The following SEL1L3 variants were observed in gnomAD, a reference collection of about 807,000 sequenced individuals.
SEL1L3 encodes protein sel-1 homolog 3.
A neutral mutation model predicts 142.8 loss-of-function variants in SEL1L3; 76 were observed. The ratio of observed to expected loss-of-function variants is 0.53; its 90% CI spans 0.44 to 0.64. The LOEUF (loss-of-function observed/expected upper bound fraction) is 0.64, where lower values mean the gene tolerates loss of function less well. Ranked by LOEUF, SEL1L3 falls within the 30% of genes least tolerant of loss-of-function variation. The probability of loss-of-function intolerance (pLI) is 0.00; values close to 1 mark genes in which losing one functional copy is unlikely to be tolerated. For missense variants in SEL1L3, 1,262 were observed against 1,381.7 expected, an observed-to-expected ratio of 0.91 and a Z score of 1.37; for synonymous variants, 504 against 519.6, an observed-to-expected ratio of 0.97 and a Z score of 0.41.
At chr4:25,726,595 A>G in the SEL1L3 span, among the ~76,000 whole-genome samples, 2 of 151,626 alleles carry the variant, frequency 1.3e-5, no homozygotes, top group Non-Finnish European at 2.9e-5. Flanking sequence ...GCCTGAGATG[A>G]CAGATTTAGG....
chr4:25,811,748 G>GTTTTTTT (rs60024973), intron 9 of SEL1L3, among the ~76,000 whole-genome samples: 6 of 121,600 alleles, frequency 4.9e-5, no homozygotes, highest in East Asian at 2.3e-4. Flanking sequence ...TTCTTTTCCT[G>GTTTTTTT]TTTTTTTTTT....
At chr4:25,796,413 A>G (rs1041644002) in intron 11 of SEL1L3, among the ~76,000 whole-genome samples, 17 of 152,124 alleles carry the variant, frequency 1.1e-4, no homozygotes, top group African/African-American at 3.6e-4. Context: ...TGGGCAACAT[A>G]GCAAAACCCT....
chr4:25,815,292 G>T (rs2109248325), intron 9 of SEL1L3, among the ~76,000 whole-genome samples: 1 of 152,296 alleles, frequency 6.6e-6, no homozygotes, highest in South Asian at 2.1e-4. Flanking sequence ...ACTGATGGGG[G>T]CCCCAGAAGT....
intron 11 of SEL1L3, among the ~76,000 whole-genome samples, chr4:25,798,212 T>G (rs921187424): frequency 6.6e-6 from 1 of 152,180 alleles, no homozygotes; most frequent in East Asian, 1.9e-4. Context: ...TACAATCCCC[T>G]GAGGACTGTA....
At chr4:25,730,562 T>C in the SEL1L3 span, among the ~76,000 whole-genome samples, 1 of 152,112 alleles carries the variant, frequency 6.6e-6, no homozygotes. Flanking sequence ...CAGCTGCTTG[T>C]GGTGATGTGT....
At chr4:25,725,838 G>A in the SEL1L3 span, among the ~76,000 whole-genome samples, 1 of 152,112 alleles carries the variant, frequency 6.6e-6, no homozygotes, top group Non-Finnish European at 1.5e-5. Flanking sequence ...CTTTTAGCAT[G>A]CTAACGTATT....
At position 25,833,422 on chromosome 4, in the gene SEL1L3, T is replaced by C. The variant is rs115693206; in HGVS notation, c.982+26A>G. The stretch of plus-strand genomic sequence containing the variant: ...AGAGCATTACAAAATTACAATATCA[T>C]TTTAAAGGTTCTGTTTTATACTCAC... On this transcript the variant is annotated intron_variant, in intron 4 of 23. Transcript: ENST00000399878. 1.3e-4 allele frequency: 211 copies of C among 1,598,626 alleles called. 2 individuals are homozygous for C. In the African/African-American group the frequency reaches 2.2e-3, roughly 17 times the overall value.
At chr4:25,740,034 G>C in the SEL1L3 span, among the ~76,000 whole-genome samples, 2 of 151,690 alleles carry the variant, frequency 1.3e-5, no homozygotes, top group Admixed American at 6.6e-5. Flanking sequence ...CTGAGCTCAA[G>C]TGATCCTCCC....
chr4:25,745,508 C>T (rs1717234476), downstream of SEL1L3, among the ~76,000 whole-genome samples: 1 of 152,158 alleles, frequency 6.6e-6, no homozygotes, highest in Non-Finnish European at 1.5e-5. Context: ...CCGTTCAGCA[C>T]TGTTCCAAAT....
At chr4:25,822,815 G>A (rs1337757047) in intron 6 of SEL1L3, among the ~76,000 whole-genome samples, 1 of 152,184 alleles carries the variant, frequency 6.6e-6, no homozygotes, top group East Asian at 1.9e-4. Context: ...GCATGAAGGT[G>A]TTCCTTGCAA....
chr4:25,849,667 TA>T (rs1283200489), intron 1 of SEL1L3, among the ~76,000 whole-genome samples: 2 of 152,148 alleles, frequency 1.3e-5, no homozygotes, highest in Non-Finnish European at 2.9e-5. Flanking sequence ...TAGAAATGAT[TA>T]AAAAGGTACA....
intron 6 of SEL1L3, among the ~76,000 whole-genome samples, chr4:25,828,902 G>A (rs1715263869): frequency 6.6e-6 from 1 of 152,184 alleles, no homozygotes; most frequent in African/African-American, 2.4e-5. Flanking sequence ...CCCAGACAAA[G>A]TGCCTAAAAG....
chr4:25,862,981 C>A lies in SEL1L3; in HGVS notation c.-145G>T. 1 of 378,960 alleles carries A rather than the reference C, an allele frequency of 2.6e-6. No homozygotes were observed. The highest frequency in any genetic ancestry group is 3.6e-6 in the Non-Finnish European group (1 of 278,668). 23.5% of individuals were successfully genotyped at this position (378,960 alleles called of 1,614,324 possible). A position where few individuals can be genotyped will look rare whatever the true frequency, so the allele number is the denominator to read the frequency against. ...GCCGCCACCTCCGGACCCGCCGCCG[C>A]CGCCACTGCCGCTCCCGCCGTCGCC... On this transcript the variant is annotated 5_prime_UTR_variant, in exon 1 of 24. Transcript: ENST00000399878.
intron 23 of SEL1L3, among the ~76,000 whole-genome samples, chr4:25,752,011 A>T (rs1355424243): frequency 1.3e-5 from 2 of 150,402 alleles, no homozygotes; most frequent in African/African-American, 4.9e-5. Flanking sequence ...CAGGAGGCTG[A>T]GGCAGGAGAA....
Position 25,832,090 on chromosome 4 carries a change from A to C in SEL1L3, c.1098+905T>G, listed in dbSNP as rs1715484917. ...GTGGACCACCGCTATGTCACTGAAC[A>C]TTTTTAAGTAAACAAACACACATAC... On this transcript the variant is annotated intron_variant, in intron 5 of 23. Coordinates refer to ENST00000399878, the MANE Select transcript of SEL1L3 (RefSeq NM_015187.5). 4.6e-5 allele frequency among the ~76,000 whole-genome samples: 7 copies of C among 152,344 alleles called. No homozygotes were observed. The South Asian group carries it at 1.4e-3, about 32-fold the overall frequency.
chr4:25,849,504 A>G (rs1255388518), intron 1 of SEL1L3, among the ~76,000 whole-genome samples: 1 of 152,212 alleles, frequency 6.6e-6, no homozygotes, highest in East Asian at 1.9e-4. Context: ...AGAAGGGAGA[A>G]AAGAGGTTAC....
chr4:25,825,176 C>A (rs1715010917), intron 6 of SEL1L3, among the ~76,000 whole-genome samples: 1 of 152,106 alleles, frequency 6.6e-6, no homozygotes, highest in Admixed American at 6.5e-5. Flanking sequence ...ATTACTTGGT[C>A]CCTAGGGCAC....
chr4:25,757,610 C>G lies in SEL1L3; in HGVS notation c.3187-4G>C. 2 of 1,553,802 alleles carry G rather than the reference C, an allele frequency of 1.3e-6. No homozygotes were observed. Among genetic ancestry groups the G allele is most frequent in the East Asian group, 4.9e-5 (2 of 41,120 alleles). ...GAAAGGTTCCCAGAAAGTAGATCTG[C>G]AAACATCAGAAGCACGCATTAGTGA... On this transcript the variant is annotated splice_polypyrimidine_tract_variant and splice_region_variant and intron_variant, in intron 22 of 23. Transcript: ENST00000399878.
the SEL1L3 span, among the ~76,000 whole-genome samples, chr4:25,721,485 C>T: frequency 6.6e-6 from 1 of 152,148 alleles, no homozygotes; most frequent in South Asian, 2.1e-4. Flanking sequence ...ATACACCTGA[C>T]CAGTCCTTCC....
Sources: gnomAD v4.1 joint callset for allele counts (sites outside exome capture counted in the v4.1 genomes callset) on GRCh38, gnomAD v4.1.1 for gene constraint, MANE v1.5 for transcripts, NCBI Gene and HGNC (gene_info 2026-07-23, HGNC 2026-07-21) for gene names.